Variants in MEF2C observed in about 807,000 individuals in gnomAD.
The protein encoded by MEF2C is myocyte-specific enhancer factor 2C.
Under a neutral mutation model 50.5 loss-of-function variants are expected in MEF2C, and 6 were observed. That is an observed-to-expected ratio of 0.12 (90% CI 0.07 to 0.23). The LOEUF (loss-of-function observed/expected upper bound fraction) is 0.23. MEF2C is among the 10% of genes least tolerant of loss of function. The pLI, the probability that MEF2C is intolerant of heterozygous loss-of-function variation, is 1.00. For missense variants in MEF2C, 276 were observed against 605.0 expected (o/e 0.46, Z 5.70); for synonymous variants, 183 against 228.0 (o/e 0.80, Z 1.78).
intron 1 of MEF2C, among the ~76,000 whole-genome samples, chr5:88,844,806 T>C (rs886592380): frequency 6.6e-6 from 1 of 152,322 alleles, no homozygotes; most frequent in Non-Finnish European, 1.5e-5. Context: ...TTCCATTTGG[T>C]GTATGTCAGT....
chr5:88,746,440 ACTT>A (rs1375525551), intron 6 of MEF2C: 2 of 617,134 alleles, frequency 3.2e-6, no homozygotes, highest in Non-Finnish European at 3.9e-6. Context: ...CCTCCCTCTC[ACTT>A]TTTTTTTTTT....
chr5:88,733,855 G>T lies in MEF2C; in HGVS notation c.638-1954C>A, dbSNP rs1030920281. 5.1e-6 allele frequency: 5 copies of T among 985,166 alleles called. No individual in the cohort carries two copies. The African/African-American group carries it at 8.7e-5, about 17-fold the overall frequency. The allele number at this position is 985,166 out of a possible 1,614,324, so 61.0% of individuals were successfully genotyped here. A position where few individuals can be genotyped will look rare whatever the true frequency, so the allele number is the denominator to read the frequency against. On this transcript the variant is annotated intron_variant, in intron 6 of 10. Coordinates refer to ENST00000504921, the MANE Select transcript of MEF2C (RefSeq NM_002397.5). ...TGACAGGACTCACTTAAGAAATGTT[G>T]GTTGAATCTGAATATCAATTCCCTT...
At chr5:88,737,609 A>G in intron 6 of MEF2C, 1 of 985,382 alleles carries the variant, frequency 1.0e-6, no homozygotes, top group Non-Finnish European at 1.2e-6. Context: ...TAGGGAAAAG[A>G]ATGGTGGCAG....
At chr5:88,738,037 A>G (rs1402153833) in intron 6 of MEF2C, 1 of 985,228 alleles carries the variant, frequency 1.0e-6, no homozygotes, top group Non-Finnish European at 1.2e-6. Flanking sequence ...TGATGTCTGA[A>G]TGAGGCAGCG....
At chr5:88,835,825 A>AG (rs1814884824) in intron 1 of MEF2C, among the ~76,000 whole-genome samples, 1 of 151,696 alleles carries the variant, frequency 6.6e-6, no homozygotes. Context: ...AAAAAAAAAA[A>AG]AAAAAAGGAA....
At chr5:88,869,014 C>G (rs1300674594) in intron 1 of MEF2C, among the ~76,000 whole-genome samples, 2 of 151,570 alleles carry the variant, frequency 1.3e-5, no homozygotes, top group Admixed American at 1.3e-4. Flanking sequence ...CTTACTACAA[C>G]AAGCACATGA....
rs551168709 is a variant in MEF2C at position 88,838,481 on chromosome 5, A to G, written c.-142-14551T>C. 2.8e-5 allele frequency: 24 copies of G among 857,612 alleles called. No homozygotes were observed. In the African/African-American group the frequency reaches 4.2e-4, roughly 15 times the overall value. 53.1% of individuals were successfully genotyped at this position (857,612 alleles called of 1,614,324 possible). On this transcript the variant is annotated intron_variant, in intron 1 of 10. Coordinates refer to ENST00000504921, the MANE Select transcript of MEF2C (RefSeq NM_002397.5). The stretch of plus-strand genomic sequence containing the variant: ...TATTCTTCACAATTCCCGGAAAAAG[A>G]AACCCAAAAGAATTGTCTTCCTGAT...
chr5:88,737,272 A>T (rs1764515177), intron 6 of MEF2C: 1 of 985,292 alleles, frequency 1.0e-6, no homozygotes, highest in South Asian at 4.7e-5. Context: ...CTATTGAGAC[A>T]AACTGCTTAT....
intron 4 of MEF2C, among the ~76,000 whole-genome samples, chr5:88,754,823 G>A (rs1774516160): frequency 6.6e-6 from 1 of 152,210 alleles, no homozygotes; most frequent in Non-Finnish European, 1.5e-5. Context: ...AAAAACTCAA[G>A]ATGAGAATTT....
intron 1 of MEF2C, among the ~76,000 whole-genome samples, chr5:88,861,927 C>T (rs930044595): frequency 1.3e-5 from 2 of 152,164 alleles, no homozygotes; most frequent in East Asian, 3.8e-4. Flanking sequence ...CCAAAAAAGT[C>T]AATCCATTAG....
At chr5:88,790,749 TTTATG>T (rs1793387291) in intron 3 of MEF2C, among the ~76,000 whole-genome samples, 1 of 152,120 alleles carries the variant, frequency 6.6e-6, no homozygotes, top group Non-Finnish European at 1.5e-5. Flanking sequence ...AAAAATTTTA[TTTATG>T]CTAATGATCA....
chr5:88,879,556 ATG>A (rs1199082781), intron 1 of MEF2C, among the ~76,000 whole-genome samples: 1 of 152,000 alleles, frequency 6.6e-6, no homozygotes, highest in East Asian at 1.9e-4. Context: ...ACATGAGTGT[ATG>A]TTTTATTTCT....
At chr5:88,734,857 AAT>A (rs1763465270) in intron 6 of MEF2C, 1 of 973,530 alleles carries the variant, frequency 1.0e-6, no homozygotes, top group Non-Finnish European at 1.2e-6. Context: ...TACATACTGA[AAT>A]GTAAAATATT....
rs116806062 is a variant in MEF2C at position 88,850,125 on chromosome 5, C to T, written c.-142-26195G>A. 3.8e-3 allele frequency among the ~76,000 whole-genome samples: 576 copies of T among 151,946 alleles called. 1 individual carries two copies. Among genetic ancestry groups the T allele is most frequent in the African/African-American group, 0.013 (520 of 41,362 alleles). ...AACAGGCCCCGGTGTGTGATGATCC[C>T]CTTCCTGTGTGCATGTGCTTTTATT... On this transcript the variant is annotated intron_variant, in intron 1 of 10. Coordinates refer to ENST00000504921, the MANE Select transcript of MEF2C (RefSeq NM_002397.5).
intron 6 of MEF2C, chr5:88,733,089 G>A: frequency 1.0e-6 from 1 of 985,354 alleles, no homozygotes; most frequent in Non-Finnish European, 1.2e-6. Flanking sequence ...GTAGGGTGAG[G>A]TGCCTGCAGA....
At chr5:88,853,331 T>A (rs1822086182) in intron 1 of MEF2C, among the ~76,000 whole-genome samples, 1 of 152,180 alleles carries the variant, frequency 6.6e-6, no homozygotes, top group Admixed American at 6.5e-5. Flanking sequence ...CTTGTATACG[T>A]TTAAACAAGA....
intron 2 of MEF2C, among the ~76,000 whole-genome samples, chr5:88,822,455 T>C (rs1212890673): frequency 6.6e-6 from 1 of 151,996 alleles, no homozygotes; most frequent in Non-Finnish European, 1.5e-5. Flanking sequence ...AATCTTAGTA[T>C]TATTCACCCT....
intron 1 of MEF2C, among the ~76,000 whole-genome samples, chr5:88,866,188 G>A (rs764140173): frequency 6.6e-5 from 10 of 152,154 alleles, no homozygotes; most frequent in East Asian, 1.9e-4. Context: ...GAGCCACCGC[G>A]CCCGGCCCAA....
chr5:88,861,815 A>G (rs1199735982), intron 1 of MEF2C, among the ~76,000 whole-genome samples: 1 of 152,190 alleles, frequency 6.6e-6, no homozygotes, highest in Non-Finnish European at 1.5e-5. Flanking sequence ...AATTAAATTC[A>G]ATGCTGTATA....
Sources: gnomAD v4.1 joint callset for allele counts (sites outside exome capture counted in the v4.1 genomes callset) on GRCh38, gnomAD v4.1.1 for gene constraint, MANE v1.5 for transcripts, NCBI Gene and HGNC (gene_info 2026-07-23, HGNC 2026-07-21) for gene names.